PHLPP1: variants seen among roughly 807,000 people sequenced by gnomAD.
PHLPP1 encodes PH domain leucine-rich repeat-containing protein phosphatase 1.
PHLPP1 carries 42 observed loss-of-function variants against 117.2 expected under a neutral mutation model. The ratio of observed to expected loss-of-function variants is 0.36; its 90% CI spans 0.28 to 0.46. PHLPP1 has a LOEUF of 0.46. Among genes scored for constraint, PHLPP1 ranks in the 20% least tolerant of loss-of-function variants. The probability of loss-of-function intolerance (pLI) is 1.00; values close to 1 mark genes in which losing one functional copy is unlikely to be tolerated. For synonymous variants in PHLPP1, 1,042 were observed against 970.7 expected (o/e 1.07, Z -1.37); for missense variants, 2,084 against 2,241.9 (o/e 0.93, Z 1.42).
chr18:62,880,531 ATATTT>A (rs1163010923), intron 4 of PHLPP1, among the ~76,000 whole-genome samples: 2 of 151,210 alleles, frequency 1.3e-5, no homozygotes, highest in Non-Finnish European at 3.0e-5. Context: ...TGTTATTGTA[ATATTT>A]TTATTTGTCC....
At chr18:62,925,111 C>G (rs2144431734) in intron 10 of PHLPP1, among the ~76,000 whole-genome samples, 1 of 152,158 alleles carries the variant, frequency 6.6e-6, no homozygotes, top group East Asian at 1.9e-4. Flanking sequence ...TAGTTGTCAT[C>G]AACAGATGGG....
chr18:62,719,601 G>T (rs928484543), intron 1 of PHLPP1, among the ~76,000 whole-genome samples: 1 of 152,086 alleles, frequency 6.6e-6, no homozygotes, highest in African/African-American at 2.4e-5. Flanking sequence ...TGTAGGAAGA[G>T]GATAATTAAT....
chr18:62,931,436 A>G (rs1253605709), intron 10 of PHLPP1, among the ~76,000 whole-genome samples: 1 of 152,150 alleles, frequency 6.6e-6, no homozygotes, highest in Non-Finnish European at 1.5e-5. Context: ...AGGAACTAGA[A>G]AAAACAGAAC....
intron 11 of PHLPP1, among the ~76,000 whole-genome samples, chr18:62,943,939 T>C (rs1056112281): frequency 9.2e-5 from 14 of 152,236 alleles, no homozygotes; most frequent in African/African-American, 3.4e-4. Context: ...ACTGGATGTA[T>C]ATGATATTAA....
At chr18:62,726,553 C>A (rs1481455305) in intron 1 of PHLPP1, among the ~76,000 whole-genome samples, 1 of 131,620 alleles carries the variant, frequency 7.6e-6, no homozygotes, top group East Asian at 2.2e-4. Flanking sequence ...ATTTTCTTTT[C>A]TTTTCTTTCC....
intron 4 of PHLPP1, among the ~76,000 whole-genome samples, chr18:62,882,921 T>G (rs2144386085): frequency 6.7e-6 from 1 of 150,374 alleles, no homozygotes; most frequent in South Asian, 2.1e-4. Flanking sequence ...TATTTATTTA[T>G]TTTTGAGAGA....
Position 62,715,617 on chromosome 18 carries a change from C to G in PHLPP1, c.-67C>G. On this transcript the variant is annotated 5_prime_UTR_variant, in exon 1 of 17. Transcript: ENST00000262719. ...GCGCGCCGCCGCCGTCTCCCACCTCCGCCTCATCGCCTCCCTCTCCGCCCG... is the reference window on the plus strand; with the variant it reads ...GCGCGCCGCCGCCGTCTCCCACCTCGGCCTCATCGCCTCCCTCTCCGCCCG... 4 of 1,106,786 alleles carry G rather than the reference C, an allele frequency of 3.6e-6. No homozygotes were observed. The East Asian group carries it at 9.6e-5, about 27-fold the overall frequency. The allele number at this position is 1,106,786 out of a possible 1,614,324, so 68.6% of individuals were successfully genotyped here. A position where few individuals can be genotyped will look rare whatever the true frequency, so the allele number is the denominator to read the frequency against.
intron 1 of PHLPP1, among the ~76,000 whole-genome samples, chr18:62,723,676 G>A (rs913602983): frequency 6.6e-6 from 1 of 152,116 alleles, no homozygotes; most frequent in African/African-American, 2.4e-5. Flanking sequence ...GTGTGTTGGG[G>A]GTGGGGGTTG....
At chr18:62,783,229 C>CTTTT (rs71340114) in intron 1 of PHLPP1, among the ~76,000 whole-genome samples, 4 of 106,434 alleles carry the variant, frequency 3.8e-5, no homozygotes, top group Admixed American at 9.5e-5. Flanking sequence ...TTTTTTTTTT[C>CTTTT]TTTTTTTTTT....
intron 1 of PHLPP1, among the ~76,000 whole-genome samples, chr18:62,723,272 A>T (rs1910976633): frequency 6.6e-6 from 1 of 152,260 alleles, no homozygotes; most frequent in Non-Finnish European, 1.5e-5. Context: ...AGCAAAAAAC[A>T]TCCAGAATTT....
Position 62,978,320 on chromosome 18 carries a change from A to G in PHLPP1, c.4043A>G (p.His1348Arg). Residue 1348 changes from histidine to arginine, a missense_variant, in exon 17 of 17, where the codon CAT becomes CGT. His to Arg is a conservative substitution (Grantham distance 29). Transcript: ENST00000262719. This position sits in a 1 kb window ranked among gnomAD's most constrained non-coding sequence, Gnocchi z 7.0. ...STRILGYTFL[H>R]PSVVPRPHVQ... Reference sequence around the variant, plus strand: ...CGCATCCTGGGCTACACCTTCCTCCATCCCAGTGTGGTGCCTCGCCCCCAC... The same window carrying G: ...CGCATCCTGGGCTACACCTTCCTCCGTCCCAGTGTGGTGCCTCGCCCCCAC... 6.2e-7 allele frequency: 1 copy of G among 1,613,132 alleles called. No homozygotes were observed. The highest frequency in any genetic ancestry group is 8.5e-7 in the Non-Finnish European group (1 of 1,179,486).
intron 4 of PHLPP1, among the ~76,000 whole-genome samples, chr18:62,862,613 A>G (rs1425017088): frequency 6.6e-6 from 1 of 152,214 alleles, no homozygotes. Flanking sequence ...TGCTCTTTCA[A>G]GTAAAAATGG....
chr18:62,821,685 A>G (rs1914462855), intron 1 of PHLPP1, among the ~76,000 whole-genome samples: 1 of 151,936 alleles, frequency 6.6e-6, no homozygotes. Context: ...CAAGTTACCA[A>G]TATCAGGAAT....
chr18:62,914,971 G>A lies in PHLPP1; in HGVS notation c.2767G>A (p.Asp923Asn). The change falls in exon 9 of 17, where the codon GAT (aspartate) becomes AAT (asparagine). Residue 923 changes from aspartate (D) to asparagine (N), a missense_variant. Coordinates refer to ENST00000262719, the MANE Select transcript of PHLPP1 (RefSeq NM_194449.4). ...VCESRKLEVL[D>N]IGHNQICELP... Reference sequence around the variant, plus strand: ...TGAAAGCCGAAAGCTAGAAGTTTTGGATATTGGCCATAATCAAATATGTGA... The same window carrying A: ...TGAAAGCCGAAAGCTAGAAGTTTTGAATATTGGCCATAATCAAATATGTGA... 2 of 1,613,702 alleles carry A rather than the reference G, an allele frequency of 1.2e-6. No individual in the cohort carries two copies. Among genetic ancestry groups the A allele is most frequent in the South Asian group, 2.2e-5 (2 of 91,050 alleles).
At chr18:62,923,380 A>G (rs1299927772) in intron 10 of PHLPP1, among the ~76,000 whole-genome samples, 2 of 152,198 alleles carry the variant, frequency 1.3e-5, no homozygotes, top group Non-Finnish European at 1.5e-5. Flanking sequence ...TCAAGAAGAC[A>G]TACTCCTGCA....
intron 1 of PHLPP1, among the ~76,000 whole-genome samples, chr18:62,809,480 C>T (rs1914049994): frequency 1.3e-5 from 2 of 152,130 alleles, no homozygotes; most frequent in Non-Finnish European, 2.9e-5. Context: ...GTAGGTGGAT[C>T]ACAAGGTCAA....
chr18:62,754,100 A>G (rs1911939918), intron 1 of PHLPP1, among the ~76,000 whole-genome samples: 1 of 152,124 alleles, frequency 6.6e-6, no homozygotes, highest in African/African-American at 2.4e-5. Flanking sequence ...CTGCTTTACC[A>G]TCTTACCTTC....
intron 1 of PHLPP1, among the ~76,000 whole-genome samples, chr18:62,829,611 G>A (rs921995557): frequency 6.6e-6 from 1 of 152,110 alleles, no homozygotes; most frequent in East Asian, 1.9e-4. Context: ...AAATTTAGTC[G>A]TGTGGTGGCC....
In PHLPP1 at chr18:62,743,308, A is replaced by T. The variant is rs377639922; in HGVS notation, c.1576+26049A>T. On this transcript the variant is annotated intron_variant, in intron 1 of 16. Transcript: ENST00000262719. ...TAAAAACAGCTTTTTTTTTTTTAGA[A>T]TTTTTTTTTATTACGGAAAATTTAA... Among the ~76,000 whole-genome samples, 41 of 150,614 alleles carry T rather than the reference A, an allele frequency of 2.7e-4. 2 individuals are homozygous for T. The South Asian group carries it at 8.4e-3, about 31-fold the overall frequency.
Sources: gnomAD v4.1 joint callset for allele counts (sites outside exome capture counted in the v4.1 genomes callset) on GRCh38, gnomAD v4.1.1 for gene constraint, Gnocchi (gnomAD v3.1) non-coding constraint, MANE v1.5 for transcripts, NCBI Gene and HGNC (gene_info 2026-07-23, HGNC 2026-07-21) for gene names.